The following RIGI variants were observed in gnomAD, a reference collection of about 807,000 sequenced individuals.
RIGI encodes antiviral innate immune response receptor RIG-I.
the RIGI span, among the ~76,000 whole-genome samples, chr9:32,462,674 G>A: frequency 4.6e-5 from 7 of 151,928 alleles, no homozygotes; most frequent in East Asian, 1.4e-3. Flanking sequence ...CTCCCAAAGT[G>A]CTGGCATTAC....
chr9:32,459,836 AAAAAC>A, the RIGI span, among the ~76,000 whole-genome samples: 1 of 152,212 alleles, frequency 6.6e-6, no homozygotes, highest in Non-Finnish European at 1.5e-5. Flanking sequence ...ACTTGGGAAA[AAAAAC>A]AAAACCTGTA....
At chr9:32,459,963 C>T in the RIGI span, among the ~76,000 whole-genome samples, 20 of 151,550 alleles carry the variant, frequency 1.3e-4, no homozygotes, top group South Asian at 2.1e-3. Flanking sequence ...GCTGTGTCCT[C>T]ACCCAAATCT....
At chr9:32,457,754 A>G in the RIGI span, among the ~76,000 whole-genome samples, 1 of 152,228 alleles carries the variant, frequency 6.6e-6, no homozygotes, top group Non-Finnish European at 1.5e-5. Context: ...AAAATTTGTG[A>G]AGCTGAAGTT....
the RIGI span, among the ~76,000 whole-genome samples, chr9:32,510,801 TAA>T: frequency 6.6e-6 from 1 of 151,930 alleles, no homozygotes; most frequent in Non-Finnish European, 1.5e-5. Flanking sequence ...GCAAATTGGA[TAA>T]AGAGTCAAGA....
At chr9:32,473,791 G>T in the RIGI span, among the ~76,000 whole-genome samples, 11 of 152,056 alleles carry the variant, frequency 7.2e-5, no homozygotes, top group African/African-American at 2.7e-4. Context: ...ATTTTGGGAG[G>T]CCGAGGCAGG....
the RIGI span, among the ~76,000 whole-genome samples, chr9:32,502,288 G>T: frequency 2.0e-5 from 3 of 152,230 alleles, no homozygotes; most frequent in Middle Eastern, 0.01. Flanking sequence ...CCACATTTTG[G>T]TTATTACAAA....
the RIGI span, among the ~76,000 whole-genome samples, chr9:32,514,389 G>A: frequency 9.9e-5 from 15 of 152,226 alleles, no homozygotes; most frequent in Middle Eastern, 0.01. Context: ...GGAATACTAC[G>A]CAGCCATAAA....
chr9:32,496,254 G>C, the RIGI span, among the ~76,000 whole-genome samples: 1 of 152,116 alleles, frequency 6.6e-6, no homozygotes, highest in African/African-American at 2.4e-5. Context: ...ATTTTGATTT[G>C]ATTTTGTATA....
the RIGI span, chr9:32,487,544 A>G: frequency 6.2e-7 from 1 of 1,614,190 alleles, no homozygotes; most frequent in Non-Finnish European, 8.5e-7. Flanking sequence ...CTGACGCATC[A>G]AGAGAAGCAC....
At chr9:32,481,451 A>C in the RIGI span, 2 of 1,606,616 alleles carry the variant, frequency 1.2e-6, no homozygotes, top group Middle Eastern at 1.7e-4. Context: ...TCCATTGTTC[A>C]TATTTCTGTG....
the RIGI span, among the ~76,000 whole-genome samples, chr9:32,514,457 C>T: frequency 6.6e-6 from 1 of 152,154 alleles, no homozygotes; most frequent in Non-Finnish European, 1.5e-5. Context: ...CCATCATTCT[C>T]AGCAAACTAA....
At chr9:32,518,185 T>C in the RIGI span, among the ~76,000 whole-genome samples, 1 of 152,134 alleles carries the variant, frequency 6.6e-6, no homozygotes, top group South Asian at 2.1e-4. Context: ...TCAGAAGTTA[T>C]CTAAAGTTTA....
At chr9:32,522,150 C>T in the RIGI span, among the ~76,000 whole-genome samples, 2 of 151,956 alleles carry the variant, frequency 1.3e-5, no homozygotes, top group African/African-American at 4.8e-5. Context: ...GAGTTGATTG[C>T]ATGGACTGAA....
chr9:32,494,009 CAT>C, the RIGI span: 7 of 1,207,848 alleles, frequency 5.8e-6, no homozygotes, highest in Middle Eastern at 2.8e-4. Flanking sequence ...AGATTAGTAT[CAT>C]AGAAATCATG....
At chr9:32,485,203 A>ACT in the RIGI span, 4 of 1,606,770 alleles carry the variant, frequency 2.5e-6, no homozygotes, top group Non-Finnish European at 3.4e-6. Context: ...TCTTTGCCAG[A>ACT]CTCTCTGTGT....
chr9:32,499,311 G>GTTTTTTTTTTTTTT, the RIGI span, among the ~76,000 whole-genome samples: 5 of 81,134 alleles, frequency 6.2e-5, no homozygotes, highest in Admixed American at 1.4e-4. Context: ...CAGAGTTTGT[G>GTTTTTTTTTTTTTT]ATTTGTTTTT....
the RIGI span, among the ~76,000 whole-genome samples, chr9:32,508,557 G>A: frequency 2.6e-5 from 4 of 152,018 alleles, no homozygotes; most frequent in Non-Finnish European, 5.9e-5. Context: ...GAGGAACAGT[G>A]CACCCTGGCC....
the RIGI span, among the ~76,000 whole-genome samples, chr9:32,455,345 T>C: frequency 6.6e-6 from 1 of 152,088 alleles, no homozygotes; most frequent in Non-Finnish European, 1.5e-5. Flanking sequence ...CAGTTCCACA[T>C]GGCTGAGGAG....
chr9:32,507,393 C>G, the RIGI span, among the ~76,000 whole-genome samples: 1 of 152,042 alleles, frequency 6.6e-6, no homozygotes, highest in South Asian at 2.1e-4. Context: ...CCTTATTAAA[C>G]AGATCATTTA....
Sources: allele counts gnomAD v4.1 joint callset (sites outside exome capture counted in the v4.1 genomes callset), GRCh38; gene constraint gnomAD v4.1.1; transcripts MANE v1.5; gene names NCBI Gene and HGNC (gene_info 2026-07-23, HGNC 2026-07-21).